Variants in GNB4 observed in about 807,000 individuals in gnomAD.
GNB4 encodes the protein G protein subunit beta 4.
A neutral mutation model predicts 45.2 loss-of-function variants in GNB4; 28 were observed. The ratio of observed to expected loss-of-function variants is 0.62; its 90% CI spans 0.46 to 0.85. GNB4 has a LOEUF of 0.85. Among genes scored for constraint, GNB4 ranks in the 40% least tolerant of loss-of-function variants. GNB4 has a pLI of 0.00. For synonymous variants in GNB4, 132 were observed against 143.7 expected (o/e 0.92, Z 0.58); for missense variants, 321 against 425.4 (o/e 0.75, Z 2.16).
the GNB4 span, among the ~76,000 whole-genome samples, chr3:179,460,591 A>T: frequency 6.6e-6 from 1 of 152,062 alleles, no homozygotes; most frequent in African/African-American, 2.4e-5. Context: ...CTTACTGTAG[A>T]TTTGCTCTTT....
upstream of GNB4, among the ~76,000 whole-genome samples, chr3:179,451,909 G>C (rs1374799793): frequency 6.6e-6 from 1 of 152,110 alleles, no homozygotes; most frequent in Admixed American, 6.5e-5. Flanking sequence ...ATGTCAGAAA[G>C]TAAACTGAAG....
chr3:179,500,436 G>A, the GNB4 span, among the ~76,000 whole-genome samples: 3 of 152,112 alleles, frequency 2.0e-5, no homozygotes, highest in South Asian at 4.1e-4. Flanking sequence ...TGTTCCATTG[G>A]TCTATATATC....
In GNB4 at chr3:179,400,150, A is replaced by C. The variant is rs1241073784; in HGVS notation, c.*1063T>G. On this transcript the variant is annotated 3_prime_UTR_variant, in exon 10 of 10. Coordinates refer to ENST00000232564, the MANE Select transcript of GNB4 (RefSeq NM_021629.4). The stretch of plus-strand genomic sequence containing the variant: ...GAACAAAAAGCTTAAAGGTTTAAGA[A>C]ATTTAAAGGCACAGATATTTCACAT... 6.6e-6 allele frequency: 1 copy of C among 152,252 alleles called. No homozygotes were observed. Among genetic ancestry groups the C allele is most frequent in the Non-Finnish European group, 1.5e-5 (1 of 68,048 alleles). The allele number at this position is 152,252 out of a possible 1,614,324, so 9.4% of individuals were successfully genotyped here. A position where few individuals can be genotyped will look rare whatever the true frequency, so the allele number is the denominator to read the frequency against.
At chr3:179,507,629 T>A in the GNB4 span, among the ~76,000 whole-genome samples, 11 of 152,270 alleles carry the variant, frequency 7.2e-5, no homozygotes, top group South Asian at 2.1e-4. Context: ...CCCATCTTCA[T>A]CCTGTTGTTC....
the GNB4 span, among the ~76,000 whole-genome samples, chr3:179,527,266 C>T: frequency 6.6e-6 from 1 of 152,154 alleles, no homozygotes; most frequent in Non-Finnish European, 1.5e-5. Flanking sequence ...GGCCAGAAAA[C>T]TCCCATTGCT....
At chr3:179,497,380 A>T in the GNB4 span, among the ~76,000 whole-genome samples, 2 of 152,208 alleles carry the variant, frequency 1.3e-5, no homozygotes, top group Non-Finnish European at 2.9e-5. Context: ...TAATCATAAG[A>T]CTTGAAACCA....
At chr3:179,512,503 T>C in the GNB4 span, among the ~76,000 whole-genome samples, 4 of 152,222 alleles carry the variant, frequency 2.6e-5, no homozygotes, top group Non-Finnish European at 5.9e-5. Flanking sequence ...CCTCAACTGC[T>C]TGGTTTCCAA....
At chr3:179,457,049 C>T in the GNB4 span, among the ~76,000 whole-genome samples, 1 of 152,152 alleles carries the variant, frequency 6.6e-6, no homozygotes, top group Admixed American at 6.6e-5. Context: ...CCAACTCTTA[C>T]TCTAAACATG....
chr3:179,522,890 T>C, the GNB4 span, among the ~76,000 whole-genome samples: 45 of 152,302 alleles, frequency 3.0e-4, no homozygotes, highest in East Asian at 8.7e-3. Flanking sequence ...GTAGGAATTT[T>C]GACCACACAG....
chr3:179,508,930 G>GTATATATATA, the GNB4 span, among the ~76,000 whole-genome samples: 44 of 47,104 alleles, frequency 9.3e-4, no homozygotes, highest in African/African-American at 3.5e-3. Context: ...CTTTCAGCAT[G>GTATATATATA]TGTATATATA....
chr3:179,440,111 G>A (rs1057404142), intron 1 of GNB4, among the ~76,000 whole-genome samples: 5 of 152,068 alleles, frequency 3.3e-5, no homozygotes, highest in African/African-American at 1.2e-4. Flanking sequence ...TAAAATATTT[G>A]TACACAGAAA....
At chr3:179,518,166 C>G in the GNB4 span, among the ~76,000 whole-genome samples, 1 of 152,136 alleles carries the variant, frequency 6.6e-6, no homozygotes, top group Non-Finnish European at 1.5e-5. Flanking sequence ...TAACTCACAC[C>G]TGACCTAAAA....
At chr3:179,436,671 G>A (rs908607262) in intron 1 of GNB4, among the ~76,000 whole-genome samples, 9 of 152,020 alleles carry the variant, frequency 5.9e-5, no homozygotes, top group African/African-American at 1.2e-4. Context: ...ACATCTCCAC[G>A]TGGCTTTCTT....
chr3:179,465,063 T>C, the GNB4 span: 2 of 1,487,484 alleles, frequency 1.3e-6, no homozygotes, highest in East Asian at 4.5e-5. Context: ...AAAGAGCAGT[T>C]GAAGAAACAT....
chr3:179,466,156 G>T, the GNB4 span, among the ~76,000 whole-genome samples: 2 of 151,978 alleles, frequency 1.3e-5, no homozygotes, highest in African/African-American at 4.8e-5. Context: ...GATTACAGGT[G>T]CATGCCACCA....
At chr3:179,431,791 G>A (rs1371682041) in intron 1 of GNB4, among the ~76,000 whole-genome samples, 1 of 152,040 alleles carries the variant, frequency 6.6e-6, no homozygotes, top group Non-Finnish European at 1.5e-5. Context: ...ATGTTTCTTT[G>A]TGCTACTATC....
At chr3:179,455,014 C>T (rs766928860), upstream of GNB4, among the ~76,000 whole-genome samples, 3 of 152,178 alleles carry the variant, frequency 2.0e-5, no homozygotes, top group African/African-American at 7.2e-5. Flanking sequence ...CTCTTGCTCA[C>T]ACACAATGCA....
At chr3:179,517,671 A>G in the GNB4 span, among the ~76,000 whole-genome samples, 31 of 132,856 alleles carry the variant, frequency 2.3e-4, no homozygotes, top group Non-Finnish European at 2.9e-4. Context: ...CTCTCTTGCT[A>G]TCCCTCAACC....
chr3:179,409,207 A>G (rs1238501769), intron 8 of GNB4, among the ~76,000 whole-genome samples: 1 of 151,740 alleles, frequency 6.6e-6, no homozygotes, highest in Non-Finnish European at 1.5e-5. Context: ...ATCAGCTTCT[A>G]TCTTAAAAAA....
Sources: gnomAD v4.1 joint callset for allele counts (sites outside exome capture counted in the v4.1 genomes callset) on GRCh38, gnomAD v4.1.1 for gene constraint, MANE v1.5 for transcripts, NCBI Gene and HGNC (gene_info 2026-07-23, HGNC 2026-07-21) for gene names.